Variants in SYNE1 observed in about 807,000 individuals in gnomAD.
SYNE1 encodes the protein nesprin-1.
In SYNE1, 616 loss-of-function variants were observed where a neutral mutation model predicts 1,111.0. The observed-to-expected ratio is 0.55, with a 90% confidence interval of 0.52 to 0.59. The LOEUF (loss-of-function observed/expected upper bound fraction) is 0.59. SYNE1 is among the 20% of genes least tolerant of loss of function. SYNE1 has a pLI of 0.00. For synonymous variants in SYNE1, 3,855 were observed against 3,825.8 expected, an observed-to-expected ratio of 1.01 and a Z score of -0.28; for missense variants, 10,006 against 10,417.0, an observed-to-expected ratio of 0.96 and a Z score of 1.72.
In SYNE1 at chr6:152,148,899, T is replaced by A. The variant is rs1370902424; in HGVS notation, c.24643-521A>T. On this transcript the variant is annotated intron_variant, in intron 136 of 145. Coordinates refer to ENST00000367255, the MANE Select transcript of SYNE1 (RefSeq NM_182961.4). The surrounding 1 kb of genome is among the most constrained non-coding windows in gnomAD (Gnocchi z 4.1). ...AGCAAATTACTAAGACCTTAGCTTG[T>A]CCTTATAGCCCAGATATAAAATAGG... 1.3e-5 allele frequency among the ~76,000 whole-genome samples: 2 copies of A among 152,160 alleles called. No homozygotes were observed. The highest frequency in any genetic ancestry group is 4.8e-5 in the African/African-American group (2 of 41,446).
At position 152,318,271 on chromosome 6, in the gene SYNE1, G is replaced by A; in HGVS notation, c.16390-8C>T. On this transcript the variant is annotated splice_polypyrimidine_tract_variant and splice_region_variant and intron_variant, in intron 85 of 145. Coordinates refer to ENST00000367255, the MANE Select transcript of SYNE1 (RefSeq NM_182961.4). ...TAATTCCTCTCCCAGCACCTTGATGGTCACCAAAATGAAAGAACATTAGAG... is the reference window on the plus strand; with the variant it reads ...TAATTCCTCTCCCAGCACCTTGATGATCACCAAAATGAAAGAACATTAGAG... 1 of 1,614,006 alleles carries A rather than the reference G, an allele frequency of 6.2e-7. No homozygotes were observed. Among genetic ancestry groups the A allele is most frequent in the South Asian group, 1.1e-5 (1 of 91,074 alleles).
At chr6:152,197,462 C>G (rs576512003) in intron 127 of SYNE1, among the ~76,000 whole-genome samples, 1 of 152,312 alleles carries the variant, frequency 6.6e-6, no homozygotes, top group Admixed American at 6.5e-5. Flanking sequence ...CTATCTATGG[C>G]AGCTATAGCC....
intron 93 of SYNE1, among the ~76,000 whole-genome samples, chr6:152,296,783 CCT>C (rs2094901918): frequency 6.6e-6 from 1 of 151,980 alleles, no homozygotes; most frequent in Non-Finnish European, 1.5e-5. Flanking sequence ...AACACTGGGC[CCT>C]GTGTCTTTGT....
intron 118 of SYNE1, 70 bp from the exon 119 acceptor site, chr6:152,221,116 T>C: frequency 6.8e-7 from 1 of 1,475,368 alleles, no homozygotes; most frequent in Non-Finnish European, 9.4e-7. Flanking sequence ...TGCTATTTTA[T>C]TTTTCATGAT....
Position 152,396,964 on chromosome 6 carries a change from A to G in SYNE1, c.7367T>C (p.Val2456Ala), listed in dbSNP as rs1486143232. The part of the protein sequence containing the change: ...LHDLQNILDS[V>A]SDGQSKLDAV... The stretch of plus-strand genomic sequence containing the variant: ...ATCAAGTTTGCTCTGCCCATCACTG[A>G]CTGAGTCCAAAATGTTCTGTTTCAG... Residue 2456 changes from valine (V) to alanine (A), a missense_variant, in exon 50 of 146, where the codon GTC (valine) becomes GCC (alanine). Physicochemically the swap from Val to Ala is moderately conservative, Grantham distance 64. Coordinates refer to ENST00000367255, the MANE Select transcript of SYNE1 (RefSeq NM_182961.4). 1 of 1,614,172 alleles carries G rather than the reference A, an allele frequency of 6.2e-7. No homozygotes were observed. The highest frequency in any genetic ancestry group is 1.7e-5 in the Admixed American group (1 of 60,012).
intron 128 of SYNE1, among the ~76,000 whole-genome samples, chr6:152,182,762 T>C (rs993503757): frequency 6.6e-6 from 1 of 152,194 alleles, no homozygotes; most frequent in African/African-American, 2.4e-5. Flanking sequence ...AGGCCAGCCT[T>C]AGGCATAGTG....
At chr6:152,377,067 C>G (rs2097294430) in intron 56 of SYNE1, among the ~76,000 whole-genome samples, 155 bp from the exon 57 acceptor site, 1 of 152,118 alleles carries the variant, frequency 6.6e-6, no homozygotes, top group African/African-American at 2.4e-5. Flanking sequence ...TTTCAGGATT[C>G]CTCTGACAAA....
At chr6:152,546,187 A>G (rs952703182) in intron 3 of SYNE1, 3 of 152,224 alleles carry the variant, frequency 2.0e-5, no homozygotes, top group African/African-American at 7.2e-5. Flanking sequence ...TAGGGAATAA[A>G]GTATATTGAA....
chr6:152,460,187 A>G (rs2098722833), intron 21 of SYNE1, among the ~76,000 whole-genome samples: 1 of 152,216 alleles, frequency 6.6e-6, no homozygotes, highest in Non-Finnish European at 1.5e-5. Context: ...AAGCCCAGCT[A>G]TGGCCCTGAA....
rs144533000 is a variant in SYNE1 at position 152,430,512 on chromosome 6, C to G, written c.4659G>C (p.Gln1553His). The change falls in exon 35 of 146, where the codon CAG becomes CAC. Residue 1553 changes from glutamine (Q) to histidine (H), a missense_variant. Gln to His is a conservative substitution (Grantham distance 24). This residue lies in a region of SYNE1 where 1,971 missense variants were observed against 2,084.1 expected (regional missense o/e 0.95). Transcript: ENST00000367255. ...LEGTILGHLS[Q>H]QQKFEENLRK... The stretch of plus-strand genomic sequence containing the variant: ...TAAGGTTCTCTTCAAACTTTTGCTG[C>G]TGAGATAAATGTCCCAGGATTGTTC... 6.2e-6 allele frequency: 10 copies of G among 1,613,940 alleles called. No homozygotes were observed. In the Admixed American group the frequency reaches 1.7e-4, roughly 27 times the overall value.
rs180908630 is a variant in SYNE1 at position 152,128,342 on chromosome 6, C to T, written c.26153+2378G>A. 13 of 152,270 alleles carry T rather than the reference C, an allele frequency of 8.5e-5. No homozygotes were observed. In the East Asian group the frequency reaches 1.7e-3, roughly 20 times the overall value. 9.4% of individuals were successfully genotyped at this position (152,270 alleles called of 1,614,324 possible). A position where few individuals can be genotyped will look rare whatever the true frequency, so the allele number is the denominator to read the frequency against. ...AGAAGTTCTAGGGAGCTCCCTGTAA[C>T]GATTTAGGGAATCTCTAGATTCTGA... is the stretch of plus-strand genomic sequence containing the variant. On this transcript the variant is annotated intron_variant, in intron 145 of 145. Coordinates refer to ENST00000367255, the MANE Select transcript of SYNE1 (RefSeq NM_182961.4).
chr6:152,350,219 G>A lies in SYNE1; in HGVS notation c.11850C>T (p.Leu3950=). ...QMSGRLVAPD[L]LETSSLETIT... is the part of the protein sequence containing the mutation. ...TTGTCTCCAGGCTGCTTGTCTCCAG[G>A]AGGTCAGGTGCCACCAGTCTGCCAG... Residue 3950 remains leucine (L), a synonymous_variant, in exon 72 of 146, where the codon CTC becomes CTT. Transcript: ENST00000367255. 6.2e-7 allele frequency: 1 copy of A among 1,614,034 alleles called. No individual in the cohort carries two copies. Among genetic ancestry groups the A allele is most frequent in the Non-Finnish European group, 8.5e-7 (1 of 1,180,040 alleles).
intron 3 of SYNE1, among the ~76,000 whole-genome samples, chr6:152,591,995 G>A (rs1355825317): frequency 6.6e-6 from 1 of 151,966 alleles, no homozygotes; most frequent in East Asian, 1.9e-4. Context: ...AGTCAGAATG[G>A]ATCTTATTAA....
At chr6:152,543,091 C>T (rs1284354835) in intron 3 of SYNE1, among the ~76,000 whole-genome samples, 1 of 151,766 alleles carries the variant, frequency 6.6e-6, no homozygotes, top group Non-Finnish European at 1.5e-5. Context: ...CTATTATAAC[C>T]TTTAATGAAA....
At chr6:152,204,714 A>T (rs1197055480) in intron 126 of SYNE1, among the ~76,000 whole-genome samples, 2 of 152,204 alleles carry the variant, frequency 1.3e-5, no homozygotes, top group East Asian at 3.8e-4. Flanking sequence ...CTAAATCTAT[A>T]ACCAAGTCCT....
chr6:152,216,814 G>A (rs987683357), intron 121 of SYNE1, among the ~76,000 whole-genome samples: 6 of 152,158 alleles, frequency 3.9e-5, no homozygotes, highest in African/African-American at 1.4e-4. Context: ...CCAGTGCTTT[G>A]GGAGGCCAAG....
At chr6:152,499,620 A>T (rs2099018040) in intron 10 of SYNE1, among the ~76,000 whole-genome samples, 1 of 152,158 alleles carries the variant, frequency 6.6e-6, no homozygotes, top group Admixed American at 6.5e-5. Context: ...AAAATATTAA[A>T]GGTTCACTAG....
At chr6:152,288,992 G>T (rs920518650) in intron 95 of SYNE1, among the ~76,000 whole-genome samples, 2 of 152,048 alleles carry the variant, frequency 1.3e-5, no homozygotes. Context: ...TTTCTTTTGG[G>T]GTCATAAAAA....
chr6:152,427,668 C>A (rs762932764), intron 38 of SYNE1, 25 bp downstream of exon 38: 1 of 1,613,496 alleles, frequency 6.2e-7, no homozygotes, highest in Admixed American at 1.7e-5. Flanking sequence ...TTATTTTTTC[C>A]TTCCTCACAC....
Sources: allele counts gnomAD v4.1 joint callset (sites outside exome capture counted in the v4.1 genomes callset), GRCh38; gene constraint gnomAD v4.1.1; regional missense constraint gnomAD v4.1.1; non-coding constraint Gnocchi (gnomAD v3.1); transcripts MANE v1.5; gene names NCBI Gene and HGNC (gene_info 2026-07-23, HGNC 2026-07-21).